ECD: variants seen among roughly 807,000 people sequenced by gnomAD.
ECD encodes the protein protein ecdysoneless homolog.
Under a neutral mutation model 77.2 loss-of-function variants are expected in ECD, and 59 were observed. The ratio of observed to expected loss-of-function variants is 0.76; its 90% CI spans 0.62 to 0.95. The LOEUF is 0.95. ECD is among the 40% of genes least tolerant of loss of function. ECD has a pLI of 0.00. For missense variants in ECD, 704 were observed against 763.4 expected, an observed-to-expected ratio of 0.92 and a Z score of 0.92; for synonymous variants, 233 against 267.4, an observed-to-expected ratio of 0.87 and a Z score of 1.26.
rs748150914 is a variant in ECD at position 73,134,732 on chromosome 10, C to A, written c.1786G>T (p.Val596Leu). ...TGESVMAPVD[V>L]DLNLVSNILE... ...ATATTTGAAACCAGGTTCAGGTCTA[C>A]ATCTACTGGTGCCATAACAGATTCT... Residue 596 changes from valine to leucine, a missense_variant, in exon 14 of 14, where the codon GTA (valine) becomes TTA (leucine). By Grantham distance (32) the Val-to-Leu change is conservative. Transcript: ENST00000372979. 6.2e-7 allele frequency: 1 copy of A among 1,614,180 alleles called. No individual in the cohort carries two copies. Among genetic ancestry groups the A allele is most frequent in the East Asian group, 2.2e-5 (1 of 44,888 alleles).
chr10:73,155,823 T>G (rs1843288547), intron 5 of ECD, among the ~76,000 whole-genome samples: 1 of 151,738 alleles, frequency 6.6e-6, no homozygotes, highest in Non-Finnish European at 1.5e-5. Context: ...AGGCTGGTCT[T>G]GAACTCCTGA....
intron 3 of ECD, among the ~76,000 whole-genome samples, chr10:73,159,786 G>A (rs1843351354): frequency 6.6e-6 from 1 of 150,910 alleles, no homozygotes; most frequent in African/African-American, 2.4e-5. Flanking sequence ...TGTGATTACA[G>A]GCATGTACCA....
chr10:73,148,248 T>G (rs928879045), intron 8 of ECD, 28 bp downstream of exon 8: 2 of 1,610,888 alleles, frequency 1.2e-6, no homozygotes, highest in African/African-American at 2.7e-5. Context: ...GATTGAATAC[T>G]TAAAAGCAAA....
intron 9 of ECD, among the ~76,000 whole-genome samples, chr10:73,145,127 G>A (rs954537024): frequency 2.0e-5 from 3 of 152,138 alleles, no homozygotes; most frequent in Non-Finnish European, 2.9e-5. Flanking sequence ...ACTTTGGGAG[G>A]CCAAGGTGGG....
At chr10:73,139,200 G>T (rs1400564176) in intron 11 of ECD, 109 bp downstream of exon 11, 2 of 1,099,322 alleles carry the variant, frequency 1.8e-6, no homozygotes, top group Non-Finnish European at 2.5e-6. Flanking sequence ...AAAGCAAGCA[G>T]TACAACTCAT....
At chr10:73,165,617 T>TA (rs1843447079) in intron 1 of ECD, among the ~76,000 whole-genome samples, 2 of 143,822 alleles carry the variant, frequency 1.4e-5, no homozygotes, top group African/African-American at 5.6e-5. Context: ...CCCAAAGTGC[T>TA]GTTTTTTTTT....
rs368283642 is a variant in ECD, at chr10:73,152,401, T to C, written c.804A>G (p.Leu268=). The change falls in exon 7 of 14, where the codon CTA becomes CTG. Residue 268 remains leucine (L), a synonymous_variant. Coordinates refer to ENST00000372979, the MANE Select transcript of ECD (RefSeq NM_007265.3). ...IMTSVTFTKC[L]YAQLVQQRFV... is the part of the protein sequence containing the mutation. ...ACCTTTGTTGCACCAATTGTGCATATAGACATTTAGTGAATGTGACCTGGG... is the reference window on the plus strand; with the variant it reads ...ACCTTTGTTGCACCAATTGTGCATACAGACATTTAGTGAATGTGACCTGGG... 1.8e-5 allele frequency: 29 copies of C among 1,613,512 alleles called. No homozygotes were observed. Among genetic ancestry groups the C allele is most frequent in the Middle Eastern group, 3.3e-4 (2 of 6,082 alleles).
intron 1 of ECD, among the ~76,000 whole-genome samples, chr10:73,164,909 T>C (rs925827899): frequency 1.3e-5 from 2 of 152,208 alleles, no homozygotes; most frequent in African/African-American, 4.8e-5. Context: ...TTTTTATATT[T>C]TTCCTATTTT....
intron 7 of ECD, among the ~76,000 whole-genome samples, chr10:73,148,654 C>T (rs1305890380): frequency 6.6e-6 from 1 of 152,082 alleles, no homozygotes; most frequent in African/African-American, 2.4e-5. Flanking sequence ...CTGTTCTCTT[C>T]AAAGAGATTC....
chr10:73,139,400 TCTC>T lies in ECD; in HGVS notation c.1327_1329del (p.Glu443del). 6.2e-7 allele frequency: 1 copy of T among 1,614,162 alleles called. No individual in the cohort carries two copies. The highest frequency in any genetic ancestry group is 8.5e-7 in the Non-Finnish European group (1 of 1,180,030). On this transcript the variant is annotated inframe_deletion, in exon 11 of 14. Coordinates refer to ENST00000372979, the MANE Select transcript of ECD (RefSeq NM_007265.3). ...TCAGTTAAGTCATAGTTCTGCTCCT[TCTC>T]CTCCTTGGAAACAGACTCGGATTCT...
chr10:73,135,296 T>C (rs1421911478), intron 13 of ECD, among the ~76,000 whole-genome samples: 1 of 152,188 alleles, frequency 6.6e-6, no homozygotes, highest in Non-Finnish European at 1.5e-5. Flanking sequence ...AAATTGTTAG[T>C]TGGGCCTCTG....
At chr10:73,165,784 CTTT>C in intron 1 of ECD, among the ~76,000 whole-genome samples, 1 of 149,138 alleles carries the variant, frequency 6.7e-6, no homozygotes, top group Non-Finnish European at 1.5e-5. Context: ...TAATTATACT[CTTT>C]TAGTTATTTT....
At chr10:73,141,886 T>C (rs1282853673) in intron 9 of ECD, among the ~76,000 whole-genome samples, 1 of 152,212 alleles carries the variant, frequency 6.6e-6, no homozygotes, top group African/African-American at 2.4e-5. Context: ...CAGGGTGCCA[T>C]CAATTTATGT....
chr10:73,143,497 T>C (rs138566771), intron 9 of ECD, among the ~76,000 whole-genome samples: 1 of 152,348 alleles, frequency 6.6e-6, no homozygotes, highest in East Asian at 1.9e-4. Flanking sequence ...AAAATTTTTA[T>C]ATGTGTAACA....
At chr10:73,165,647 T>C (rs1843447761) in intron 1 of ECD, among the ~76,000 whole-genome samples, 1 of 151,452 alleles carries the variant, frequency 6.6e-6, no homozygotes, top group Admixed American at 6.6e-5. Flanking sequence ...TAAGGGTAAA[T>C]AGTAGGTGTA....
At chr10:73,144,270 G>T (rs1269202877) in intron 9 of ECD, among the ~76,000 whole-genome samples, 1 of 152,010 alleles carries the variant, frequency 6.6e-6, no homozygotes, top group Non-Finnish European at 1.5e-5. Flanking sequence ...ATAAATTAGG[G>T]GAAAGTCTAT....
At position 73,152,370 on chromosome 10, in the gene ECD, G is replaced by A. The variant is rs868330452; in HGVS notation, c.835C>T (p.Pro279Ser). The change falls in exon 7 of 14, where the codon CCA becomes TCA. Residue 279 changes from proline to serine, a missense_variant. Around this residue, in one of 3 missense-constraint regions of ECD, gnomAD observed 559 missense variants for 583.7 expected, o/e 0.96. Coordinates refer to ENST00000372979, the MANE Select transcript of ECD (RefSeq NM_007265.3). ...YAQLVQQRFVPDRRSGYRLPP... is the reference protein window; with the variant it reads ...YAQLVQQRFVSDRRSGYRLPP... ...AGCCTGTATCCACTCCGCCGGTCTG[G>A]CACAAACCTTTGTTGCACCAATTGT... 6.2e-7 allele frequency: 1 copy of A among 1,613,666 alleles called. No homozygotes were observed. The highest frequency in any genetic ancestry group is 1.7e-5 in the Admixed American group (1 of 59,986).
chr10:73,148,791 A>G (rs1843162010), intron 7 of ECD, among the ~76,000 whole-genome samples: 1 of 152,192 alleles, frequency 6.6e-6, no homozygotes, highest in South Asian at 2.1e-4. Flanking sequence ...GACATAGTAA[A>G]GAGAGGAAAT....
chr10:73,138,589 C>T (rs751030990), intron 11 of ECD, among the ~76,000 whole-genome samples: 18 of 151,106 alleles, frequency 1.2e-4, no homozygotes, highest in African/African-American at 2.2e-4. Flanking sequence ...TTTTTTGAGA[C>T]GGAGTCTTGC....
Sources: allele counts gnomAD v4.1 joint callset (sites outside exome capture counted in the v4.1 genomes callset), GRCh38; gene constraint gnomAD v4.1.1; regional missense constraint gnomAD v4.1.1; transcripts MANE v1.5; gene names NCBI Gene and HGNC (gene_info 2026-07-23, HGNC 2026-07-21).